Variants in THOC2 observed in about 807,000 individuals in gnomAD.
The protein encoded by THOC2 is THO complex 2.
In THOC2, 10 loss-of-function variants were observed where a neutral mutation model predicts 128.4. That is an observed-to-expected ratio of 0.08 (90% CI 0.05 to 0.13). THOC2 has a LOEUF of 0.13. Ranked by LOEUF, THOC2 falls within the 10% of genes least tolerant of loss-of-function variation. THOC2 has a pLI of 1.00. For missense variants in THOC2, 535 were observed against 1,155.7 expected (o/e 0.46, Z 7.79); for synonymous variants, 393 against 396.9 (o/e 0.99, Z 0.12).
At chrX:123,609,080 C>T (rs764220836) in intron 38 of THOC2, among the ~76,000 whole-genome samples, 18 of 112,106 alleles carry the variant, frequency 1.6e-4, no homozygotes, top group Non-Finnish European at 2.8e-4. Flanking sequence ...TATAAAATCA[C>T]TGTGAAAGTT....
chrX:123,645,422 TATG>T (rs2048084297), intron 12 of THOC2, 47 bp from the exon 13 acceptor site: 3 of 776,928 alleles, frequency 3.9e-6, no homozygotes, highest in Non-Finnish European at 5.5e-6. Context: ...AGGTTAAGAT[TATG>T]ATGTCACAAT....
intron 11 of THOC2, 107 bp downstream of exon 11, chrX:123,666,999 A>T: frequency 1.9e-6 from 1 of 529,700 alleles, no homozygotes; most frequent in Admixed American, 3.4e-5. Flanking sequence ...TTTTGATAAA[A>T]GGTACTAAAA....
intron 12 of THOC2, among the ~76,000 whole-genome samples, chrX:123,652,155 A>G (rs2048385589): frequency 8.9e-6 from 1 of 112,196 alleles, no homozygotes; most frequent in South Asian, 3.7e-4. Flanking sequence ...GTAATCCATC[A>G]CATTAACAGA....
intron 38 of THOC2, among the ~76,000 whole-genome samples, chrX:123,606,274 C>CA (rs774551996): frequency 0.091 from 3,771 of 41,304 alleles, 228 homozygotes; most frequent in African/African-American, 0.26. Context: ...CTCGTCTCTA[C>CA]AAAAAAAAAA....
intron 8 of THOC2, among the ~76,000 whole-genome samples, chrX:123,683,870 A>T (rs1289977356): frequency 9.0e-6 from 1 of 111,330 alleles, no homozygotes; most frequent in African/African-American, 3.3e-5. Context: ...AAAATGCTGG[A>T]ATTACAGGTG....
intron 38 of THOC2, among the ~76,000 whole-genome samples, chrX:123,609,812 C>T (rs934409576): frequency 6.3e-5 from 7 of 110,713 alleles, no homozygotes; most frequent in Non-Finnish European, 9.5e-5. Flanking sequence ...AGGTGGATCA[C>T]GAGGTCAAGA....
chrX:123,671,496 A>G (rs2049276158), intron 9 of THOC2, among the ~76,000 whole-genome samples, 173 bp downstream of exon 9: 1 of 112,281 alleles, frequency 8.9e-6, no homozygotes, highest in South Asian at 3.7e-4. Flanking sequence ...CCAAATAACT[A>G]AATTTATTCA....
intron 16 of THOC2, among the ~76,000 whole-genome samples, chrX:123,640,190 AAAAT>A (rs985559893): frequency 2.7e-5 from 3 of 111,670 alleles, no homozygotes; most frequent in African/African-American, 9.8e-5. Context: ...TCATCTCAAA[AAAAT>A]AAATAAATAA....
intron 36 of THOC2, among the ~76,000 whole-genome samples, chrX:123,612,743 A>C (rs1185599366): frequency 3.6e-5 from 4 of 112,029 alleles, no homozygotes; most frequent in Non-Finnish European, 7.5e-5. Context: ...ATAGAATTAA[A>C]ATGTTCATTA....
intron 7 of THOC2, among the ~76,000 whole-genome samples, chrX:123,688,087 C>A (rs1485822770): frequency 8.9e-6 from 1 of 112,040 alleles, no homozygotes; most frequent in Non-Finnish European, 1.9e-5. Context: ...AAACTTATAC[C>A]TACCATATGA....
intron 3 of THOC2, among the ~76,000 whole-genome samples, chrX:123,705,564 T>C (rs2050893470): frequency 9.0e-6 from 1 of 111,344 alleles, no homozygotes; most frequent in South Asian, 3.8e-4. Context: ...GGAATTTGAC[T>C]ACTCCAACAT....
chrX:123,629,112 T>C (rs1209861768), intron 22 of THOC2, among the ~76,000 whole-genome samples: 2 of 107,679 alleles, frequency 1.9e-5, no homozygotes, highest in Non-Finnish European at 3.8e-5. Flanking sequence ...AAATATATTA[T>C]ACATATATAT....
chrX:123,631,572 C>T, intron 22 of THOC2, 116 bp downstream of exon 22: 4 of 772,506 alleles, frequency 5.2e-6, no homozygotes, highest in Non-Finnish European at 7.6e-6. Context: ...AAGAAGGGAT[C>T]CTAGTTTAGG....
chrX:123,687,899 C>T (rs2050070730), intron 7 of THOC2, among the ~76,000 whole-genome samples: 1 of 111,897 alleles, frequency 8.9e-6, no homozygotes, highest in African/African-American at 3.2e-5. Flanking sequence ...AAAGACGTTT[C>T]CCTGAAGTTC....
intron 12 of THOC2, among the ~76,000 whole-genome samples, chrX:123,653,387 C>A (rs1361133545): frequency 4.5e-5 from 5 of 111,878 alleles, no homozygotes; most frequent in Non-Finnish European, 7.5e-5. Context: ...GACTAAAACA[C>A]CAAAAGCAAT....
chrX:123,685,440 T>C (rs988517139), intron 8 of THOC2, among the ~76,000 whole-genome samples: 6 of 111,736 alleles, frequency 5.4e-5, no homozygotes, highest in South Asian at 3.8e-4. Flanking sequence ...AAAGAATAAA[T>C]AGGAGTTCAC....
chrX:123,630,827 TTG>T (rs2047453719), intron 22 of THOC2, among the ~76,000 whole-genome samples: 2 of 110,923 alleles, frequency 1.8e-5, no homozygotes, highest in Non-Finnish European at 3.8e-5. Context: ...AACCACAAGA[TTG>T]CTGGGAAACA....
At chrX:123,623,481 T>A in intron 28 of THOC2, 198 bp from the exon 29 acceptor site, 2 of 562,522 alleles carry the variant, frequency 3.6e-6, no homozygotes, top group Non-Finnish European at 5.3e-6. Flanking sequence ...CACTATAAAC[T>A]AATCCTTAAA....
At chrX:123,718,713 C>G (rs1198056794) in intron 1 of THOC2, among the ~76,000 whole-genome samples, 2 of 106,312 alleles carry the variant, frequency 1.9e-5, no homozygotes, top group Non-Finnish European at 3.9e-5. Flanking sequence ...AAGCCAAGAT[C>G]GCGGCACTGC....
Sources: gnomAD v4.1 joint callset for allele counts (sites outside exome capture counted in the v4.1 genomes callset) on GRCh38, gnomAD v4.1.1 for gene constraint, MANE v1.5 for transcripts, NCBI Gene and HGNC (gene_info 2026-07-23, HGNC 2026-07-21) for gene names.